SLIRP: variants seen among roughly 807,000 people sequenced by gnomAD.
SLIRP encodes the protein SRA stem-loop-interacting RNA-binding protein, mitochondrial.
In SLIRP, 12 loss-of-function variants were observed where a neutral mutation model predicts 13.4. The observed-to-expected ratio is 0.89, with a 90% CI of 0.57 to 1.45. SLIRP has a LOEUF of 1.45. Ranked by LOEUF, SLIRP falls within the 40% of genes most tolerant of loss-of-function variation. The probability of loss-of-function intolerance (pLI) is 0.00; values close to 1 mark genes in which losing one functional copy is unlikely to be tolerated. For missense variants in SLIRP, 154 were observed against 132.2 expected (o/e 1.17, Z -0.81); for synonymous variants, 55 against 47.1 (o/e 1.17, Z -0.69).
chr14:77,713,493 G>C (rs945501477), intron 2 of SLIRP, among the ~76,000 whole-genome samples: 97 of 152,330 alleles, frequency 6.4e-4, no homozygotes, highest in African/African-American at 2.3e-3. Flanking sequence ...TGAAGGTGTA[G>C]GGAATCTGGC....
intron 3 of SLIRP, among the ~76,000 whole-genome samples, chr14:77,716,520 A>G (rs1420761615): frequency 1.4e-5 from 2 of 148,056 alleles, no homozygotes; most frequent in East Asian, 4.3e-4. Context: ...GCGTGGTGGC[A>G]CATGCCTGTA....
At chr14:77,708,415 T>C (rs2080413242) in intron 1 of SLIRP, among the ~76,000 whole-genome samples, 1 of 152,212 alleles carries the variant, frequency 6.6e-6, no homozygotes, top group African/African-American at 2.4e-5. Flanking sequence ...CACCGGCTCT[T>C]GCCTTTAGGA....
intron 2 of SLIRP, among the ~76,000 whole-genome samples, 174 bp downstream of exon 2, chr14:77,711,070 C>T (rs56060413): frequency 0.17 from 25,307 of 151,670 alleles, 2,428 homozygotes; most frequent in Non-Finnish European, 0.22. Flanking sequence ...GGATAAATGC[C>T]TGAGGGGATG....
chr14:77,714,249 T>C (rs2080459928), intron 2 of SLIRP, among the ~76,000 whole-genome samples: 1 of 151,996 alleles, frequency 6.6e-6, no homozygotes, highest in Non-Finnish European at 1.5e-5. Flanking sequence ...TCAAGCAGTC[T>C]ACTCACCTCA....
At chr14:77,715,919 TGTAG>T in intron 3 of SLIRP, 40 bp downstream of exon 3, 1 of 1,388,814 alleles carries the variant, frequency 7.2e-7, no homozygotes, top group Non-Finnish European at 1.0e-6. Flanking sequence ...ATGATATACA[TGTAG>T]GTACTATTTA....
intron 1 of SLIRP, chr14:77,710,543 A>G: frequency 7.9e-6 from 11 of 1,396,960 alleles, no homozygotes; most frequent in Non-Finnish European, 1.0e-5. Context: ...CTTCATTGTG[A>G]TCTGCTCACA....
intron 3 of SLIRP, chr14:77,716,300 G>A (rs1421017159): frequency 6.7e-6 from 1 of 148,854 alleles, no homozygotes; most frequent in Non-Finnish European, 1.4e-5. Flanking sequence ...CTGGGCGATA[G>A]CGAGACTCCA....
intron 2 of SLIRP, 86 bp from the exon 3 acceptor site, chr14:77,715,686 G>C (rs531506945): frequency 8.9e-7 from 1 of 1,118,538 alleles, no homozygotes; most frequent in African/African-American, 1.6e-5. Context: ...ATTTTTGGCA[G>C]ATGAAAAAGT....
Position 77,716,357 on chromosome 14 carries a change from C to T in SLIRP, c.264+478C>T, listed in dbSNP as rs981948177. On this transcript the variant is annotated intron_variant, in intron 3 of 3. Coordinates refer to ENST00000557342, the MANE Select transcript of SLIRP (RefSeq NM_031210.6). ...AAACAACAACAAAAAAAGAATGGTG[C>T]GGTGGTAGGCCAGGCGCAGTGGTTC... 7.8e-5 allele frequency: 11 copies of T among 141,750 alleles called. No individual in the cohort carries two copies. In the East Asian group the frequency reaches 9.3e-4, roughly 12 times the overall value. The allele number at this position is 141,750 out of a possible 1,614,324, so 8.8% of individuals were successfully genotyped here. A position where few individuals can be genotyped will look rare whatever the true frequency, so the allele number is the denominator to read the frequency against.
chr14:77,716,051 T>A (rs2080475083), intron 3 of SLIRP, 172 bp downstream of exon 3: 1 of 566,614 alleles, frequency 1.8e-6, no homozygotes, highest in Admixed American at 3.3e-5. Context: ...GCACGGTGGC[T>A]CACGCCTGTA....
intron 2 of SLIRP, among the ~76,000 whole-genome samples, chr14:77,715,467 G>A (rs955625238): frequency 7.4e-6 from 1 of 135,818 alleles, no homozygotes; most frequent in African/African-American, 2.9e-5. Flanking sequence ...AAGATGGGAA[G>A]ACCCCATCTC....
chr14:77,710,923 A>C, intron 2 of SLIRP, 27 bp downstream of exon 2: 1 of 1,609,106 alleles, frequency 6.2e-7, no homozygotes, highest in South Asian at 1.1e-5. Context: ...AGTAGGTGGG[A>C]GGTGGGGATG....
Position 77,710,840 on chromosome 14 carries a change from C to T in SLIRP, c.100C>T (p.Gln34Ter), listed in dbSNP as rs369851843. 34 of 1,613,968 alleles carry T rather than the reference C, an allele frequency of 2.1e-5. No homozygotes were observed. Among genetic ancestry groups the T allele is most frequent in the Non-Finnish European group, 2.6e-5 (31 of 1,180,020 alleles). Residue 34 changes from glutamine (Q) to a stop codon, truncating the protein, a stop_gained and splice_region_variant, in exon 2 of 4, where the codon CAG (glutamine) becomes TAG (stop). Transcript: ENST00000557342. LOFTEE classifies it high-confidence loss of function. ...TAATGTTTTCTTCTGCCACACAGGT[C>T]AGCTGAAAGAACACTTTGCACAGTT... ...RRIPWTAASS[Q>*]LKEHFAQFGH...
chr14:77,712,414 C>T (rs1003739033), intron 2 of SLIRP, among the ~76,000 whole-genome samples: 1 of 151,256 alleles, frequency 6.6e-6, no homozygotes, highest in Non-Finnish European at 1.5e-5. Flanking sequence ...GCTGGGACTA[C>T]AGGCATGCGC....
intron 1 of SLIRP, chr14:77,710,477 T>C: frequency 1.1e-6 from 1 of 879,726 alleles, no homozygotes; most frequent in South Asian, 1.4e-5. Context: ...AGTTGGGATT[T>C]TATTTGGAAA....
chr14:77,708,120 C>A lies in SLIRP; in HGVS notation c.9C>A (p.Ala3=). 1 of 1,614,038 alleles carries A rather than the reference C, an allele frequency of 6.2e-7. No homozygotes were observed. The highest frequency in any genetic ancestry group is 8.5e-7 in the Non-Finnish European group (1 of 1,180,002). The change falls in exon 1 of 4, where the codon GCC becomes GCA. Residue 3 remains alanine (A), a synonymous_variant. Coordinates refer to ENST00000557342, the MANE Select transcript of SLIRP (RefSeq NM_031210.6). MA[A]SAARGAAALR... is the part of the protein sequence containing the mutation. ...GGTGCTTTAGTCTGAAGATGGCGGC[C>A]TCAGCAGCGAGAGGTGCTGCGGCGC...
At position 77,710,452 on chromosome 14, in the gene SLIRP, T is replaced by A. The variant is rs541204468; in HGVS notation, c.98-386T>A. 204 of 624,678 alleles carry A rather than the reference T, an allele frequency of 3.3e-4. No individual in the cohort carries two copies. In the African/African-American group the frequency reaches 3.4e-3, roughly 10 times the overall value. 38.7% of individuals were successfully genotyped at this position (624,678 alleles called of 1,614,324 possible). ...GGCAACTCAACACATTTTACTAAAT[T>A]GTGAAAGACCAGTAAGTTGGGATTT... On this transcript the variant is annotated intron_variant, in intron 1 of 3. Coordinates refer to ENST00000557342, the MANE Select transcript of SLIRP (RefSeq NM_031210.6).
In SLIRP at chr14:77,712,611, A is replaced by AT. The variant is rs1433722037; in HGVS notation, c.156+1721dup. On this transcript the variant is annotated intron_variant, in intron 2 of 3. Coordinates refer to ENST00000557342, the MANE Select transcript of SLIRP (RefSeq NM_031210.6). ...AGGCGCCCGCCACTACGCCCGGCTAATTTTTTGTATTTTTAGTAGAGATGG... is the reference window on the plus strand; with the variant it reads ...AGGCGCCCGCCACTACGCCCGGCTAATTTTTTTGTATTTTTAGTAGAGATGG... Among the ~76,000 whole-genome samples, 4 of 151,992 alleles carry AT rather than the reference A, an allele frequency of 2.6e-5. No homozygotes were observed. The East Asian group carries it at 5.8e-4, about 22-fold the overall frequency.
At chr14:77,715,549 G>A (rs1224316167) in intron 2 of SLIRP, among the ~76,000 whole-genome samples, 1 of 152,162 alleles carries the variant, frequency 6.6e-6, no homozygotes, top group African/African-American at 2.4e-5. Flanking sequence ...AGAGGCTGAG[G>A]TGGGAGGATT....
Sources: allele counts gnomAD v4.1 joint callset (sites outside exome capture counted in the v4.1 genomes callset), GRCh38; gene constraint gnomAD v4.1.1; transcripts MANE v1.5; gene names NCBI Gene and HGNC (gene_info 2026-07-23, HGNC 2026-07-21).